CACNA1A: variants seen among roughly 807,000 people sequenced by gnomAD.
CACNA1A encodes voltage-dependent P/Q-type calcium channel subunit alpha-1A.
Under a neutral mutation model 262.4 loss-of-function variants are expected in CACNA1A, and 57 were observed. The observed-to-expected ratio is 0.22, with a 90% CI of 0.18 to 0.27. The LOEUF (loss-of-function observed/expected upper bound fraction) is 0.27, where lower values mean the gene tolerates loss of function less well. CACNA1A is among the 10% of genes least tolerant of loss of function. The probability of loss-of-function intolerance (pLI) is 1.00; values close to 1 mark genes in which losing one functional copy is unlikely to be tolerated. For missense variants in CACNA1A, 2,526 were observed against 3,562.8 expected (o/e 0.71, Z 7.41); for synonymous variants, 1,431 against 1,419.3 (o/e 1.01, Z -0.18).
chr19:13,371,552 G>A, intron 4 of CACNA1A, 136 bp downstream of exon 4: 1 of 660,616 alleles, frequency 1.5e-6, no homozygotes. Context: ...GTTCCCTATA[G>A]GGAGTCCCAA....
chr19:13,476,919 G>A (rs562075215), intron 1 of CACNA1A, among the ~76,000 whole-genome samples: 154 of 152,100 alleles, frequency 1.0e-3, no homozygotes, highest in Non-Finnish European at 1.7e-3. Context: ...GCAGCCAGAG[G>A]AGCCTATGAA....
At chr19:13,481,663 C>T (rs1048729415) in intron 1 of CACNA1A, among the ~76,000 whole-genome samples, 11 of 152,014 alleles carry the variant, frequency 7.2e-5, no homozygotes, top group Admixed American at 5.2e-4. Context: ...TGTTAACATG[C>T]CCAGCTTCAA....
rs1474833950 is a variant in CACNA1A at position 13,286,652 on chromosome 19, C to G, written c.3404G>C (p.Gly1135Ala). 6.5e-7 allele frequency: 1 copy of G among 1,538,414 alleles called. No homozygotes were observed. The highest frequency in any genetic ancestry group is 1.4e-5 in the African/African-American group (1 of 72,034). The change falls in exon 20 of 47, where the codon GGC becomes GCC. Residue 1135 changes from glycine (G) to alanine (A), a missense_variant. Physicochemically the swap from Gly to Ala is moderately conservative, Grantham distance 60. This residue lies in a region of CACNA1A where 765 missense variants were observed against 748.6 expected (regional missense o/e 1.02). Transcript: ENST00000360228. ...PNNPGNPSNP[G>A]PPKTPENSLI... is the part of the protein sequence containing the mutation. ...GCTATTCTCGGGGGTCTTGGGGGGG[C>G]CGGGATTGGATGGGTTCCCCGGGTT...
At chr19:13,382,232 G>A (rs534659025) in intron 3 of CACNA1A, among the ~76,000 whole-genome samples, 8 of 152,282 alleles carry the variant, frequency 5.3e-5, no homozygotes, top group South Asian at 2.1e-4. Flanking sequence ...CAGCATTATC[G>A]CAGAGCTCAT....
At chr19:13,283,970 A>G (rs1000754355) in intron 21 of CACNA1A, 3 of 152,828 alleles carry the variant, frequency 2.0e-5, no homozygotes, top group Non-Finnish European at 4.4e-5. Context: ...GAAATTATGA[A>G]TTGCAGGCCT....
chr19:13,210,607 C>G lies in CACNA1A; in HGVS notation c.6339+10G>C, dbSNP rs376238265. 66 of 1,560,866 alleles carry G rather than the reference C, an allele frequency of 4.2e-5. No homozygotes were observed. In the African/African-American group the frequency reaches 8.2e-4, roughly 19 times the overall value. On this transcript the variant is annotated intron_variant, in intron 44 of 46. Transcript: ENST00000360228. ...AGCCCTGCTGGGCGCTGGGCAGGCG[C>G]GGTACATACACTGAGGTTATTCCCA...
chr19:13,330,869 G>A (rs1048109538), intron 9 of CACNA1A, among the ~76,000 whole-genome samples: 6 of 152,120 alleles, frequency 3.9e-5, no homozygotes, highest in South Asian at 2.1e-4. Context: ...GATTACAGGC[G>A]TGAGCCGCCC....
chr19:13,479,714 G>T (rs377567793), intron 1 of CACNA1A, among the ~76,000 whole-genome samples: 2 of 152,192 alleles, frequency 1.3e-5, no homozygotes, highest in Admixed American at 6.5e-5. Context: ...AACAAGCCTG[G>T]AGTCAGGAGA....
chr19:13,290,505 T>C (rs1195344228), intron 19 of CACNA1A, among the ~76,000 whole-genome samples: 8 of 152,030 alleles, frequency 5.3e-5, no homozygotes, highest in Admixed American at 5.3e-4. Flanking sequence ...CTGCAACTTT[T>C]AACTCCTGGG....
Position 13,208,743 on chromosome 19 carries a change from C to G in CACNA1A, c.6780+13G>C, listed in dbSNP as rs775133252. On this transcript the variant is annotated intron_variant, in intron 46 of 46. Coordinates refer to ENST00000360228, the MANE Select transcript of CACNA1A (RefSeq NM_001127222.2). ...GCCGAGCCCAGCCTGGGGTCACTTG[C>G]AGCCGCACCCACCTGCCGGTGCGCC... is the stretch of plus-strand genomic sequence containing the variant. 4 of 1,567,760 alleles carry G rather than the reference C, an allele frequency of 2.6e-6. No homozygotes were observed. In the East Asian group the frequency reaches 6.8e-5, roughly 27 times the overall value.
chr19:13,334,590 TGTTTG>T, intron 7 of CACNA1A, 97 bp from the exon 8 acceptor site: 2 of 638,506 alleles, frequency 3.1e-6, no homozygotes, highest in Non-Finnish European at 5.6e-6. Flanking sequence ...TGTGTGTGTG[TGTTTG>T]TGTGTGTGTG....
At chr19:13,371,660 C>T (rs1480727032) in intron 4 of CACNA1A, 28 bp downstream of exon 4, 15 of 1,531,718 alleles carry the variant, frequency 9.8e-6, no homozygotes, top group Non-Finnish European at 1.3e-5. Flanking sequence ...GTGAGCAAAC[C>T]CCTTGTCAGG....
chr19:13,262,856 G>C (rs1211810335), intron 24 of CACNA1A, 23 bp from the exon 25 acceptor site: 1 of 1,526,598 alleles, frequency 6.6e-7, no homozygotes, highest in Non-Finnish European at 9.0e-7. Context: ...GTTTAGGTGG[G>C]AAGAAGGGAA....
chr19:13,380,645 CAAAAAA>C (rs370031243), intron 3 of CACNA1A, among the ~76,000 whole-genome samples: 16 of 55,200 alleles, frequency 2.9e-4, no homozygotes, highest in African/African-American at 5.1e-4. Flanking sequence ...GACTCTGTCT[CAAAAAA>C]AAAAAAAAAA....
intron 6 of CACNA1A, among the ~76,000 whole-genome samples, chr19:13,340,570 G>A (rs1018925446): frequency 3.3e-5 from 5 of 151,944 alleles, no homozygotes; most frequent in Admixed American, 6.6e-5. Flanking sequence ...GGGATTACAG[G>A]TGCTTGCTAC....
intron 35 of CACNA1A, among the ~76,000 whole-genome samples, chr19:13,231,081 G>A (rs1327941948): frequency 6.6e-6 from 1 of 151,428 alleles, no homozygotes; most frequent in Non-Finnish European, 1.5e-5. Flanking sequence ...ATGGCTCACT[G>A]CAGCCTCGAC....
intron 1 of CACNA1A, among the ~76,000 whole-genome samples, chr19:13,466,188 T>A (rs532647774): frequency 9.9e-5 from 15 of 151,908 alleles, no homozygotes; most frequent in South Asian, 2.1e-4. Flanking sequence ...TGATTTTTTT[T>A]AAATTCCATT....
At chr19:13,359,557 C>T (rs1175230875) in intron 6 of CACNA1A, 49 bp downstream of exon 6, 2 of 1,477,540 alleles carry the variant, frequency 1.4e-6, no homozygotes, top group Admixed American at 1.8e-5. Flanking sequence ...CAGGAGGCCA[C>T]CTCCCTGAGA....
chr19:13,496,367 G>A (rs1364282447), intron 1 of CACNA1A, among the ~76,000 whole-genome samples: 1 of 152,186 alleles, frequency 6.6e-6, no homozygotes, highest in Non-Finnish European at 1.5e-5. Flanking sequence ...CTTCAAAGAC[G>A]GTGCCCTTAG....
Sources: gnomAD v4.1 joint callset for allele counts (sites outside exome capture counted in the v4.1 genomes callset) on GRCh38, gnomAD v4.1.1 for gene constraint, gnomAD v4.1.1 regional missense constraint, MANE v1.5 for transcripts, NCBI Gene and HGNC (gene_info 2026-07-23, HGNC 2026-07-21) for gene names.